Variants in EFCAB5 observed in about 807,000 individuals in gnomAD.
EFCAB5 encodes EF-hand calcium-binding domain-containing protein 5.
Under a neutral mutation model 167.9 loss-of-function variants are expected in EFCAB5, and 131 were observed. That is an observed-to-expected ratio of 0.78 (90% confidence interval 0.68 to 0.90). EFCAB5 has a LOEUF of 0.90. Among genes scored for constraint, EFCAB5 ranks in the 40% least tolerant of loss-of-function variants. The pLI is 0.00. For synonymous variants in EFCAB5, 574 were observed against 602.8 expected (o/e 0.95, Z 0.70); for missense variants, 1,663 against 1,745.2 (o/e 0.95, Z 0.84).
chr17:30,069,425 CA>C, intron 14 of EFCAB5: 1 of 1,538,554 alleles, frequency 6.5e-7, no homozygotes, highest in Non-Finnish European at 9.0e-7. Flanking sequence ...TTCCAGACTT[CA>C]AGAGATATTC....
At position 30,054,942 on chromosome 17, in the gene EFCAB5, T is replaced by C. The variant is rs189064361; in HGVS notation, c.2194+794T>C. On this transcript the variant is annotated intron_variant, in intron 10 of 22. Coordinates refer to ENST00000394835, the MANE Select transcript of EFCAB5 (RefSeq NM_198529.4). The stretch of plus-strand genomic sequence containing the variant: ...ATAATGGCTTCAGTCGCAATAGTAA[T>C]GGTGCTGGCAATTTGGATATGCCAA... 4.6e-3 allele frequency among the ~76,000 whole-genome samples: 698 copies of C among 152,302 alleles called. 3 individuals are homozygous for C. The highest frequency in any genetic ancestry group is 0.014 in the Middle Eastern group (4 of 294).
At chr17:29,949,458 T>C (rs974426028) in intron 3 of EFCAB5, among the ~76,000 whole-genome samples, 1 of 152,198 alleles carries the variant, frequency 6.6e-6, no homozygotes, top group Non-Finnish European at 1.5e-5. Flanking sequence ...GAAAAAGAAT[T>C]CCAGTGCCTG....
At chr17:30,000,099 C>A in intron 7 of EFCAB5, 123 bp downstream of exon 7, 1 of 633,720 alleles carries the variant, frequency 1.6e-6, no homozygotes, top group Non-Finnish European at 2.7e-6. Flanking sequence ...TTTATACATT[C>A]TAAAATATGT....
chr17:30,020,368 T>C (rs74662546), intron 7 of EFCAB5, among the ~76,000 whole-genome samples: 1 of 151,322 alleles, frequency 6.6e-6, no homozygotes, highest in East Asian at 1.9e-4. Flanking sequence ...TTTTTTTTTT[T>C]TCTTTTTTTT....
intron 7 of EFCAB5, among the ~76,000 whole-genome samples, chr17:30,022,465 A>C (rs1192570699): frequency 6.6e-6 from 1 of 152,104 alleles, no homozygotes. Flanking sequence ...AAAGCAATGA[A>C]CAGACGGCAA....
chr17:29,963,235 C>T (rs1335713795), intron 3 of EFCAB5, among the ~76,000 whole-genome samples: 1 of 152,184 alleles, frequency 6.6e-6, no homozygotes, highest in Non-Finnish European at 1.5e-5. Context: ...AGCCACCACA[C>T]CTGGCCAACT....
At chr17:29,980,090 C>T (rs1747842406) in intron 4 of EFCAB5, among the ~76,000 whole-genome samples, 1 of 151,956 alleles carries the variant, frequency 6.6e-6, no homozygotes. Flanking sequence ...AATTGCTTGA[C>T]CCCGGGAGGC....
chr17:30,009,697 T>C lies in EFCAB5; in HGVS notation c.1044+9721T>C, dbSNP rs193206546. Reference sequence around the variant, plus strand: ...ACTGTAAATAATACCACTATGAACATTTGTGCCTAAGTTTTTACATGAATA... The same window carrying C: ...ACTGTAAATAATACCACTATGAACACTTGTGCCTAAGTTTTTACATGAATA... On this transcript the variant is annotated intron_variant, in intron 7 of 22. Coordinates refer to ENST00000394835, the MANE Select transcript of EFCAB5 (RefSeq NM_198529.4). 5.3e-5 allele frequency among the ~76,000 whole-genome samples: 8 copies of C among 152,320 alleles called. No homozygotes were observed. The East Asian group carries it at 1.5e-3, about 29-fold the overall frequency.
intron 14 of EFCAB5, chr17:30,073,061 ATTT>A (rs545468255): frequency 2.3e-4 from 120 of 519,576 alleles, no homozygotes; most frequent in Middle Eastern, 5.9e-4. Context: ...CCCAACCTTT[ATTT>A]TTTTTTTTTT....
In EFCAB5 at chr17:30,058,277, A is replaced by T. The variant is rs186465663; in HGVS notation, c.2580+387A>T. ...ATGGCCTGAGTATATATTTTTACTC[A>T]TGAGCACCCAGGTAGTACATATTTC... On this transcript the variant is annotated intron_variant, in intron 13 of 22. Coordinates refer to ENST00000394835, the MANE Select transcript of EFCAB5 (RefSeq NM_198529.4). Among the ~76,000 whole-genome samples the T allele has an allele frequency of 2.8e-3, 434 of 152,330 alleles. 2 individuals are homozygous for T. Among genetic ancestry groups the T allele is most frequent in the Non-Finnish European group, 5.2e-3 (352 of 68,030 alleles).
intron 8 of EFCAB5, among the ~76,000 whole-genome samples, chr17:30,036,257 T>C (rs1031008399): frequency 2.6e-4 from 32 of 122,340 alleles, no homozygotes; most frequent in South Asian, 7.3e-4. Context: ...ATATAGAATA[T>C]ACATATATAA....
intron 7 of EFCAB5, among the ~76,000 whole-genome samples, chr17:30,031,363 T>C (rs1298735908): frequency 2.6e-5 from 4 of 152,220 alleles, no homozygotes; most frequent in African/African-American, 9.6e-5. Context: ...GCTGATGCTG[T>C]TGGTCTAGGG....
intron 8 of EFCAB5, among the ~76,000 whole-genome samples, chr17:30,042,538 C>T (rs1350251210): frequency 6.6e-6 from 1 of 152,054 alleles, no homozygotes; most frequent in African/African-American, 2.4e-5. Context: ...TTGCAAATTA[C>T]ATTAAATGGA....
intron 3 of EFCAB5, among the ~76,000 whole-genome samples, chr17:29,954,493 C>T (rs1041785578): frequency 6.6e-6 from 1 of 152,200 alleles, no homozygotes; most frequent in Admixed American, 6.5e-5. Context: ...TGGTGCTGGG[C>T]CTGTGGGTGT....
intron 14 of EFCAB5, chr17:30,074,523 T>C (rs2070829404): frequency 6.6e-6 from 1 of 152,338 alleles, no homozygotes; most frequent in Non-Finnish European, 1.5e-5. Flanking sequence ...TATTCCATTG[T>C]ATGAATACAC....
At chr17:29,940,372 C>T (rs899312270), upstream of EFCAB5, among the ~76,000 whole-genome samples, 1 of 152,156 alleles carries the variant, frequency 6.6e-6, no homozygotes, top group East Asian at 1.9e-4. Flanking sequence ...CCCCTGCGCC[C>T]GGACTAAACT....
intron 17 of EFCAB5, 72 bp from the exon 18 acceptor site, chr17:30,082,819 T>A: frequency 1.4e-6 from 2 of 1,395,044 alleles, no homozygotes; most frequent in Non-Finnish European, 9.6e-7. Flanking sequence ...GTAAAGGTAA[T>A]CCAATTACTA....
At chr17:29,998,419 T>C (rs1476345566) in intron 6 of EFCAB5, among the ~76,000 whole-genome samples, 1 of 150,318 alleles carries the variant, frequency 6.7e-6, no homozygotes, top group South Asian at 2.1e-4. Flanking sequence ...ATTCGGTCAA[T>C]ATTCATTGAG....
chr17:29,960,873 T>A (rs912243071), intron 3 of EFCAB5, among the ~76,000 whole-genome samples: 2 of 152,168 alleles, frequency 1.3e-5, no homozygotes, highest in Admixed American at 6.5e-5. Context: ...TATTATTATT[T>A]TTTTAAGAGA....
Sources: allele counts gnomAD v4.1 joint callset (sites outside exome capture counted in the v4.1 genomes callset), GRCh38; gene constraint gnomAD v4.1.1; transcripts MANE v1.5; gene names NCBI Gene and HGNC (gene_info 2026-07-23, HGNC 2026-07-21).